MAGI2: variants seen among roughly 807,000 people sequenced by gnomAD.
MAGI2 encodes the protein membrane associated guanylate kinase, WW and PDZ domain containing 2, also known as membrane-associated guanylate kinase, WW and PDZ domain-containing protein 2.
Under a neutral mutation model 133.3 loss-of-function variants are expected in MAGI2, and 35 were observed. The observed-to-expected ratio is 0.26, with a 90% CI of 0.20 to 0.35. The LOEUF is 0.35. Among genes scored for constraint, MAGI2 ranks in the 10% least tolerant of loss-of-function variants. The probability of loss-of-function intolerance (pLI) is 1.00; values close to 1 mark genes in which losing one functional copy is unlikely to be tolerated. For synonymous variants in MAGI2, 729 were observed against 710.6 expected (o/e 1.03, Z -0.41); for missense variants, 1,636 against 1,863.4 (o/e 0.88, Z 2.25).
At chr7:79,410,020 A>C (rs1846044667) in intron 1 of MAGI2, 1 of 152,136 alleles carries the variant, frequency 6.6e-6, no homozygotes, top group Non-Finnish European at 1.5e-5. Context: ...AGGAAGTACA[A>C]ATAAATAGAA....
intron 2 of MAGI2, among the ~76,000 whole-genome samples, chr7:78,637,519 C>G (rs185160343): frequency 6.6e-6 from 1 of 151,134 alleles, no homozygotes; most frequent in Non-Finnish European, 1.5e-5. Context: ...AATGAAAAAT[C>G]TGTAGATCTC....
intron 2 of MAGI2, among the ~76,000 whole-genome samples, chr7:78,708,670 T>C (rs1334944664): frequency 6.6e-6 from 1 of 152,136 alleles, no homozygotes; most frequent in African/African-American, 2.4e-5. Flanking sequence ...TTTTGCTAAG[T>C]GCATCTTTAA....
intron 2 of MAGI2, among the ~76,000 whole-genome samples, chr7:78,750,692 T>C (rs1823375060): frequency 6.6e-6 from 1 of 152,050 alleles, no homozygotes; most frequent in Non-Finnish European, 1.5e-5. Flanking sequence ...ACAGATATGG[T>C]GGGCTAGAGA....
At chr7:78,555,734 T>C (rs1414135242) in intron 3 of MAGI2, among the ~76,000 whole-genome samples, 1 of 152,148 alleles carries the variant, frequency 6.6e-6, no homozygotes, top group Non-Finnish European at 1.5e-5. Flanking sequence ...AGAAAGTCAA[T>C]AAACATTTTT....
At chr7:79,131,390 C>G (rs571027861) in intron 1 of MAGI2, among the ~76,000 whole-genome samples, 9 of 152,298 alleles carry the variant, frequency 5.9e-5, no homozygotes, top group African/African-American at 2.2e-4. Context: ...TAATGGCACA[C>G]AAACCTTCTC....
chr7:78,070,546 ATATGTGTATATATGTATATATATG>A (rs1445086029), intron 21 of MAGI2, among the ~76,000 whole-genome samples: 24 of 109,526 alleles, frequency 2.2e-4, no homozygotes, highest in African/African-American at 8.0e-4. Context: ...ACATATGTAT[ATATGTGTATATATGTATATATATG>A]TGTGTATATA....
intron 16 of MAGI2, among the ~76,000 whole-genome samples, chr7:78,159,341 C>T (rs2150604935): frequency 6.6e-6 from 1 of 152,278 alleles, no homozygotes; most frequent in African/African-American, 2.4e-5. Context: ...GCTTTCTCCC[C>T]CACCCCCAAC....
chr7:78,051,104 G>A (rs888677809), intron 21 of MAGI2, among the ~76,000 whole-genome samples: 1 of 152,342 alleles, frequency 6.6e-6, no homozygotes. Flanking sequence ...AGCAAATGAA[G>A]CCTGCCTGGC....
At chr7:78,025,536 A>C (rs1000369768) in intron 21 of MAGI2, among the ~76,000 whole-genome samples, 1 of 152,234 alleles carries the variant, frequency 6.6e-6, no homozygotes, top group African/African-American at 2.4e-5. Context: ...GAGTGAATAC[A>C]TATATTCCAC....
chr7:78,271,202 C>T (rs1005333052), intron 9 of MAGI2, among the ~76,000 whole-genome samples: 4 of 152,072 alleles, frequency 2.6e-5, no homozygotes, highest in Non-Finnish European at 5.9e-5. Flanking sequence ...TATCAAAGGC[C>T]TTTTCTGCAT....
At position 78,127,179 on chromosome 7, in the gene MAGI2, C is replaced by T; in HGVS notation, c.3423+18G>A. 6.5e-7 allele frequency: 1 copy of T among 1,542,016 alleles called. No homozygotes were observed. The highest frequency in any genetic ancestry group is 2.3e-5 in the East Asian group (1 of 44,316). ...GAAGCCTTGGTCAGGACCCACCCTG[C>T]TCTCCGGGAGGAGGTACCTGGGGTT... On this transcript the variant is annotated intron_variant, in intron 19 of 21. Transcript: ENST00000354212.
intron 2 of MAGI2, among the ~76,000 whole-genome samples, chr7:78,927,532 A>G (rs981188022): frequency 6.6e-6 from 1 of 151,956 alleles, no homozygotes; most frequent in Non-Finnish European, 1.5e-5. Flanking sequence ...GAAAGGGTAG[A>G]GATAAGGGTA....
At chr7:78,512,310 TG>T (rs1275249236) in intron 4 of MAGI2, among the ~76,000 whole-genome samples, 1 of 152,212 alleles carries the variant, frequency 6.6e-6, no homozygotes, top group Non-Finnish European at 1.5e-5. Context: ...GTTAGTGTAA[TG>T]GTTAACTGTG....
At chr7:78,937,596 G>C (rs188916601) in intron 2 of MAGI2, among the ~76,000 whole-genome samples, 1 of 152,032 alleles carries the variant, frequency 6.6e-6, no homozygotes, top group Non-Finnish European at 1.5e-5. Context: ...TAAAGTTAAC[G>C]TCACCATCAC....
At chr7:79,289,504 C>G (rs963188051) in intron 1 of MAGI2, among the ~76,000 whole-genome samples, 1 of 152,108 alleles carries the variant, frequency 6.6e-6, no homozygotes, top group East Asian at 1.9e-4. Flanking sequence ...AGATGAGGCA[C>G]TCATACAATC....
chr7:79,432,787 T>C (rs1353157813), intron 1 of MAGI2, among the ~76,000 whole-genome samples: 4 of 152,156 alleles, frequency 2.6e-5, no homozygotes, highest in Non-Finnish European at 4.4e-5. Context: ...TGTGCGATGG[T>C]GATGATAAAG....
rs11372680 is a variant in MAGI2 at position 78,401,930 on chromosome 7, CT to C, written c.1046-32718del. 1.1e-4 allele frequency among the ~76,000 whole-genome samples: 16 copies of C among 150,602 alleles called. No homozygotes were observed. The East Asian group carries it at 2.6e-3, about 24-fold the overall frequency. ...TCCCAGATAACAGGTTAGAAAATGG[CT>C]TTTTTTTTCAATGTGTTTCTACTTG... On this transcript the variant is annotated intron_variant, in intron 6 of 21. Coordinates refer to ENST00000354212, the MANE Select transcript of MAGI2 (RefSeq NM_012301.4).
At chr7:78,866,681 G>A (rs1199639798) in intron 2 of MAGI2, among the ~76,000 whole-genome samples, 1 of 151,884 alleles carries the variant, frequency 6.6e-6, no homozygotes, top group Non-Finnish European at 1.5e-5. Context: ...TTTCCCATTT[G>A]CCTCTCAGCT....
intron 3 of MAGI2, among the ~76,000 whole-genome samples, chr7:78,529,747 C>T (rs998465921): frequency 7.8e-6 from 1 of 128,054 alleles, no homozygotes; most frequent in Non-Finnish European, 1.6e-5. Context: ...GAACTCCTAG[C>T]CTCAAGCCTT....
Sources: allele counts gnomAD v4.1 joint callset (sites outside exome capture counted in the v4.1 genomes callset), GRCh38; gene constraint gnomAD v4.1.1; transcripts MANE v1.5; gene names NCBI Gene and HGNC (gene_info 2026-07-23, HGNC 2026-07-21).